Variants in TTLL5 observed in about 807,000 individuals in gnomAD.
The protein encoded by TTLL5 is tubulin polyglutamylase TTLL5.
TTLL5 carries 132 observed loss-of-function variants against 168.4 expected under a neutral mutation model. That is an observed-to-expected ratio of 0.78 (90% CI 0.68 to 0.91). TTLL5 has a LOEUF of 0.91. TTLL5 is among the 40% of genes least tolerant of loss of function. TTLL5 has a pLI of 0.00. For missense variants in TTLL5, 1,545 were observed against 1,581.5 expected (o/e 0.98, Z 0.39); for synonymous variants, 546 against 558.6 (o/e 0.98, Z 0.32).
chr14:75,726,669 T>C (rs572475472), intron 12 of TTLL5, among the ~76,000 whole-genome samples: 2 of 152,288 alleles, frequency 1.3e-5, no homozygotes, highest in African/African-American at 4.8e-5. Context: ...TACAGTGTCA[T>C]GACAGGATGT....
At chr14:75,783,078 ATTTG>A (rs1394482874) in intron 25 of TTLL5, 65 bp from the exon 26 acceptor site, 1 of 1,433,448 alleles carries the variant, frequency 7.0e-7, no homozygotes, top group East Asian at 2.3e-5. Context: ...TTTTAAAAAT[ATTTG>A]TTTTATAGAG....
intron 7 of TTLL5, among the ~76,000 whole-genome samples, chr14:75,701,892 C>G (rs746522627): frequency 1.3e-5 from 2 of 152,132 alleles, no homozygotes; most frequent in Non-Finnish European, 2.9e-5. Flanking sequence ...TCATTTCATT[C>G]TTTTGAAAAT....
At chr14:75,800,114 T>C (rs1218338401) in intron 27 of TTLL5, among the ~76,000 whole-genome samples, 1 of 152,218 alleles carries the variant, frequency 6.6e-6, no homozygotes, top group Non-Finnish European at 1.5e-5. Context: ...ATTCTTAGGT[T>C]TGGTCGTTTA....
intron 30 of TTLL5, among the ~76,000 whole-genome samples, chr14:75,889,656 C>T (rs751156765): frequency 4.0e-5 from 6 of 151,862 alleles, no homozygotes; most frequent in African/African-American, 9.7e-5. Flanking sequence ...GGCAAAACCC[C>T]GTCTCTACCA....
chr14:75,775,415 C>T (rs1891658158), intron 21 of TTLL5, 69 bp from the exon 22 acceptor site: 1 of 1,559,174 alleles, frequency 6.4e-7, no homozygotes, highest in African/African-American at 1.4e-5. Context: ...ATAATGCCTT[C>T]ATAGCTTGTC....
chr14:75,705,590 A>G (rs1886597599), intron 7 of TTLL5, among the ~76,000 whole-genome samples: 1 of 152,130 alleles, frequency 6.6e-6, no homozygotes, highest in South Asian at 2.1e-4. Context: ...TAATCTATAA[A>G]ATGTGGATGG....
At chr14:75,730,740 A>G (rs1329368085) in intron 12 of TTLL5, among the ~76,000 whole-genome samples, 1 of 151,972 alleles carries the variant, frequency 6.6e-6, no homozygotes, top group East Asian at 1.9e-4. Context: ...TTCCCATTCT[A>G]GGATTCTTTT....
rs1281516000 is a variant in TTLL5, at chr14:75,727,709, A to G, written c.1043-4629A>G. On this transcript the variant is annotated intron_variant, in intron 12 of 31. Coordinates refer to ENST00000298832, the MANE Select transcript of TTLL5 (RefSeq NM_015072.5). ...TAAATCTGCCTGAAAACAAAAAGCA[A>G]TGATAGATGGATGAACCTCAGAAAC... 2.8e-5 allele frequency: 10 copies of G among 352,282 alleles called. No individual in the cohort carries two copies. The East Asian group carries it at 3.3e-4, about 12-fold the overall frequency. The allele number at this position is 352,282 out of a possible 1,614,324, so 21.8% of individuals were successfully genotyped here.
chr14:75,838,513 G>C (rs1896010761), intron 28 of TTLL5: 1 of 151,148 alleles, frequency 6.6e-6, no homozygotes, highest in Admixed American at 6.6e-5. Context: ...AGTGAGCCGA[G>C]ATCGTGCCAC....
intron 3 of TTLL5, among the ~76,000 whole-genome samples, chr14:75,670,401 G>A (rs374242470): frequency 2.0e-5 from 3 of 151,750 alleles, no homozygotes; most frequent in South Asian, 2.1e-4. Context: ...CGGAAAAGTC[G>A]TTTGGACACT....
At chr14:75,933,064 A>C (rs1281975604) in intron 31 of TTLL5, among the ~76,000 whole-genome samples, 1 of 152,230 alleles carries the variant, frequency 6.6e-6, no homozygotes, top group Non-Finnish European at 1.5e-5. Flanking sequence ...TTGCCCAAGC[A>C]TTCTAGTTAA....
intron 26 of TTLL5, among the ~76,000 whole-genome samples, chr14:75,790,968 T>A (rs1007015168): frequency 1.4e-5 from 2 of 147,436 alleles, no homozygotes; most frequent in African/African-American, 5.0e-5. Flanking sequence ...TACCCGGGCC[T>A]GGTGGCGGGT....
At chr14:75,891,366 T>G (rs907764504) in intron 30 of TTLL5, among the ~76,000 whole-genome samples, 4 of 152,200 alleles carry the variant, frequency 2.6e-5, no homozygotes, top group African/African-American at 4.8e-5. Flanking sequence ...TTTTCCTTTT[T>G]TCATATGTTC....
intron 15 of TTLL5, chr14:75,737,557 CT>C (rs977974905): frequency 1.5e-5 from 23 of 1,534,948 alleles, no homozygotes; most frequent in African/African-American, 1.4e-4. Flanking sequence ...ATTTTTCTGT[CT>C]TTTATAGCGT....
chr14:75,815,076 C>G (rs1241920181), intron 27 of TTLL5, among the ~76,000 whole-genome samples: 3 of 152,046 alleles, frequency 2.0e-5, no homozygotes, highest in Non-Finnish European at 4.4e-5. Context: ...CCAAGTCAGC[C>G]CCGAGTTGCT....
At chr14:75,778,413 A>C (rs1326111962) in intron 23 of TTLL5, among the ~76,000 whole-genome samples, 1 of 152,248 alleles carries the variant, frequency 6.6e-6, no homozygotes, top group African/African-American at 2.4e-5. Flanking sequence ...TATTTTGACC[A>C]ACCGTAACCT....
chr14:75,844,850 A>G lies in TTLL5; in HGVS notation c.3327-18817A>G, dbSNP rs139519723. The stretch of plus-strand genomic sequence containing the variant: ...ATGATTCCAGTTAAAGCTGTTGTGC[A>G]GTGCTTTGCCTAAATGGAAGTTTTG... On this transcript the variant is annotated intron_variant, in intron 28 of 31. Transcript: ENST00000298832. Among the ~76,000 whole-genome samples the G allele has an allele frequency of 5.7e-3, 874 of 152,288 alleles. 7 individuals carry two copies. Among genetic ancestry groups the G allele is most frequent in the Middle Eastern group, 0.017 (5 of 294 alleles).
chr14:75,895,082 G>A (rs1174193949), intron 30 of TTLL5, among the ~76,000 whole-genome samples: 1 of 152,060 alleles, frequency 6.6e-6, no homozygotes, highest in Non-Finnish European at 1.5e-5. Context: ...TCATCTTTTT[G>A]GACCAGCACT....
At chr14:75,948,477 C>A (rs1433846416) in intron 31 of TTLL5, among the ~76,000 whole-genome samples, 1 of 150,902 alleles carries the variant, frequency 6.6e-6, no homozygotes, top group Non-Finnish European at 1.5e-5. Context: ...AAGAGTGAAA[C>A]CCTATCTTAA....
Sources: gnomAD v4.1 joint callset for allele counts (sites outside exome capture counted in the v4.1 genomes callset) on GRCh38, gnomAD v4.1.1 for gene constraint, MANE v1.5 for transcripts, NCBI Gene and HGNC (gene_info 2026-07-23, HGNC 2026-07-21) for gene names.